PNPLA7: variants seen among roughly 807,000 people sequenced by gnomAD.
The protein encoded by PNPLA7 is patatin like domain 7, lysophospholipase, also known as patatin-like phospholipase domain-containing protein 7.
A neutral mutation model predicts 161.7 loss-of-function variants in PNPLA7; 153 were observed. The observed-to-expected ratio is 0.95, with a 90% CI of 0.83 to 1.08. PNPLA7 has a LOEUF of 1.08. Ranked by LOEUF, PNPLA7 falls within the 50% of genes least tolerant of loss-of-function variation. The probability of loss-of-function intolerance (pLI) is 0.00; values close to 1 mark genes in which losing one functional copy is unlikely to be tolerated. For missense variants in PNPLA7, 1,739 were observed against 1,856.6 expected (o/e 0.94, Z 1.16); for synonymous variants, 809 against 782.1 (o/e 1.03, Z -0.57).
At chr9:137,487,336 G>A (rs964829469) in intron 20 of PNPLA7, among the ~76,000 whole-genome samples, 3 of 152,242 alleles carry the variant, frequency 2.0e-5, no homozygotes, top group African/African-American at 4.8e-5. Flanking sequence ...CGGGATAAGC[G>A]CTTGGAGCTG....
intron 11 of PNPLA7, among the ~76,000 whole-genome samples, chr9:137,519,202 G>C (rs1301874350): frequency 6.6e-6 from 1 of 152,242 alleles, no homozygotes; most frequent in Non-Finnish European, 1.5e-5. Flanking sequence ...AACATGATGG[G>C]CTATAAATAA....
At chr9:137,503,868 G>T (rs1588625565) in intron 14 of PNPLA7, among the ~76,000 whole-genome samples, 4 of 80,360 alleles carry the variant, frequency 5.0e-5, no homozygotes, top group African/African-American at 1.4e-4. Context: ...GAAGGAGGAG[G>T]AAGGAAGAAG....
At chr9:137,478,257 C>A in intron 24 of PNPLA7, 105 bp from the exon 25 acceptor site, 1 of 860,748 alleles carries the variant, frequency 1.2e-6, no homozygotes, top group Non-Finnish European at 1.6e-6. Context: ...CTGACCCAAA[C>A]TGACCCCAAA....
At chr9:137,536,712 G>C (rs1343099397) in intron 8 of PNPLA7, among the ~76,000 whole-genome samples, 1 of 152,218 alleles carries the variant, frequency 6.6e-6, no homozygotes, top group Non-Finnish European at 1.5e-5. Flanking sequence ...GAGCGGTGCA[G>C]ATGGGAACGT....
At chr9:137,506,311 C>T (rs1833920364) in intron 12 of PNPLA7, among the ~76,000 whole-genome samples, 1 of 152,190 alleles carries the variant, frequency 6.6e-6, no homozygotes, top group Non-Finnish European at 1.5e-5. Context: ...CCACACGGTG[C>T]CTTCAACATT....
intron 1 of PNPLA7, among the ~76,000 whole-genome samples, chr9:137,548,447 G>A (rs1460343162): frequency 1.3e-5 from 2 of 152,160 alleles, no homozygotes; most frequent in Non-Finnish European, 2.9e-5. Flanking sequence ...ACTCCCATCC[G>A]TGCCAGAAAA....
Position 137,521,740 on chromosome 9 carries a change from G to A in PNPLA7, c.877-24C>T, listed in dbSNP as rs374062329. The stretch of plus-strand genomic sequence containing the variant: ...ATCTGCAAGAACACGCCAGCTGCGC[G>A]GTGACCACCGGCCTGGGGTACAGGG... On this transcript the variant is annotated intron_variant, in intron 9 of 34. Coordinates refer to ENST00000406427, the MANE Select transcript of PNPLA7 (RefSeq NM_001098537.3). 5.8e-4 allele frequency: 927 copies of A among 1,602,044 alleles called. 4 individuals are homozygous for A. The South Asian group carries it at 6.4e-3, about 11-fold the overall frequency.
Position 137,462,170 on chromosome 9 carries a change from G to T in PNPLA7, c.3645+9C>A. On this transcript the variant is annotated intron_variant, in intron 31 of 34. Transcript: ENST00000406427. ...CCCGCCTCCGCCGCCGCGGGTGGCCGGCACTCACGCAGATCTCGTTGAACT... is the reference window on the plus strand; with the variant it reads ...CCCGCCTCCGCCGCCGCGGGTGGCCTGCACTCACGCAGATCTCGTTGAACT... 1 of 1,557,480 alleles carries T rather than the reference G, an allele frequency of 6.4e-7. No homozygotes were observed. The highest frequency in any genetic ancestry group is 8.7e-7 in the Non-Finnish European group (1 of 1,148,012).
At position 137,467,220 on chromosome 9, in the gene PNPLA7, G is replaced by A; in HGVS notation, c.3039+97C>T. On this transcript the variant is annotated intron_variant, in intron 26 of 34. Coordinates refer to ENST00000406427, the MANE Select transcript of PNPLA7 (RefSeq NM_001098537.3). The surrounding 1 kb of genome is among the most constrained non-coding windows in gnomAD (Gnocchi z 5.1). ...GTAGCCTCCTCGAGGGCAGGGCCCT[G>A]CAGAGCCACATGCAGAGGCCAACGG... is the stretch of plus-strand genomic sequence containing the variant. 6.9e-7 allele frequency: 1 copy of A among 1,454,250 alleles called. No homozygotes were observed. The highest frequency in any genetic ancestry group is 1.4e-5 in the South Asian group (1 of 72,420). 90.1% of individuals were successfully genotyped at this position (1,454,250 alleles called of 1,614,324 possible). A position where few individuals can be genotyped will look rare whatever the true frequency, so the allele number is the denominator to read the frequency against.
rs977464060 is a variant in PNPLA7 at position 137,506,156 on chromosome 9, C to T, written c.1226-73G>A. 1.5e-4 allele frequency: 194 copies of T among 1,297,348 alleles called. No individual in the cohort carries two copies. In the East Asian group the frequency reaches 3.8e-3, roughly 25 times the overall value. The allele number at this position is 1,297,348 out of a possible 1,614,324, so 80.4% of individuals were successfully genotyped here. On this transcript the variant is annotated intron_variant, in intron 12 of 34. Coordinates refer to ENST00000406427, the MANE Select transcript of PNPLA7 (RefSeq NM_001098537.3). ...ACAAACGTCCGCGGTGTGGGCTGAG[C>T]ACACCCTGCAGTCTAACCACACAGA... is the stretch of plus-strand genomic sequence containing the variant.
At chr9:137,549,517 T>C (rs887780693) in intron 1 of PNPLA7, among the ~76,000 whole-genome samples, 1 of 142,610 alleles carries the variant, frequency 7.0e-6, no homozygotes, top group African/African-American at 2.7e-5. Context: ...TTGCAGTGAG[T>C]TGAGATCGTG....
At position 137,540,594 on chromosome 9, in the gene PNPLA7, C is replaced by T. The variant is rs781479028; in HGVS notation, c.747+48G>A. 49 of 1,533,894 alleles carry T rather than the reference C, an allele frequency of 3.2e-5. No individual in the cohort carries two copies. Among genetic ancestry groups the T allele is most frequent in the African/African-American group, 1.4e-4 (10 of 73,024 alleles). ...AGACAAGACAGAAAAACCAGGCCTC[C>T]GGGGCCAACCCAGGGGCGCCCGGAG... On this transcript the variant is annotated intron_variant, in intron 8 of 34. Coordinates refer to ENST00000406427, the MANE Select transcript of PNPLA7 (RefSeq NM_001098537.3). This position sits in a 1 kb window ranked among gnomAD's most constrained non-coding sequence, Gnocchi z 5.1.
At position 137,523,161 on chromosome 9, in the gene PNPLA7, G is replaced by A. The variant is rs1440175253; in HGVS notation, c.748-304C>T. 6.6e-6 allele frequency among the ~76,000 whole-genome samples: 1 copy of A among 152,188 alleles called. No individual in the cohort carries two copies. The highest frequency in any genetic ancestry group is 1.5e-5 in the Non-Finnish European group (1 of 68,032). On this transcript the variant is annotated intron_variant, in intron 8 of 34. Transcript: ENST00000406427. This position sits in a 1 kb window ranked among gnomAD's most constrained non-coding sequence, Gnocchi z 4.4. The stretch of plus-strand genomic sequence containing the variant: ...TGGGGAGTTCCAACCACTCCCACCT[G>A]CCACTGAGGCTCACGGACCAGCTCA...
chr9:137,517,037 CCT>C (rs763614949), intron 11 of PNPLA7, among the ~76,000 whole-genome samples: 67 of 132,908 alleles, frequency 5.0e-4, no homozygotes, highest in East Asian at 4.2e-3. Flanking sequence ...CACTCCATCC[CCT>C]GTCACTCACT....
Position 137,500,671 on chromosome 9 carries a change from TC to T in PNPLA7, c.1757+19del. The T allele has an allele frequency of 6.2e-7, 1 of 1,610,370 alleles. No individual in the cohort carries two copies. The highest frequency in any genetic ancestry group is 1.7e-5 in the Admixed American group (1 of 59,834). Reference sequence around the variant, plus strand: ...GGGGGGGCTGGGGCCCGCCCTGAGGTCCTGGCCCGTGGGACTCACTCATAGA... The same window carrying T: ...GGGGGGGCTGGGGCCCGCCCTGAGGTCTGGCCCGTGGGACTCACTCATAGA... On this transcript the variant is annotated intron_variant, in intron 16 of 34. Transcript: ENST00000406427. The surrounding 1 kb of genome is among the most constrained non-coding windows in gnomAD (Gnocchi z 5.5).
intron 12 of PNPLA7, among the ~76,000 whole-genome samples, chr9:137,513,501 GAAAT>G (rs1377064760): frequency 6.6e-6 from 1 of 151,210 alleles, no homozygotes; most frequent in Non-Finnish European, 1.5e-5. Context: ...TTAAAAAACA[GAAAT>G]AAATAAAATA....
At position 137,543,649 on chromosome 9, in the gene PNPLA7, G is replaced by C; in HGVS notation, c.365+75C>G. The C allele has an allele frequency of 1.2e-6, 2 of 1,610,026 alleles. No homozygotes were observed. The highest frequency in any genetic ancestry group is 1.7e-6 in the Non-Finnish European group (2 of 1,177,462). ...CACAGCATCAGTGGCTGACACACCA[G>C]GCAGCTCAGGGTTGGGGAGGCCAGC... On this transcript the variant is annotated intron_variant, in intron 5 of 34. Transcript: ENST00000406427. The surrounding 1 kb of genome is among the most constrained non-coding windows in gnomAD (Gnocchi z 6.9).
chr9:137,465,525 C>T (rs916823873), intron 26 of PNPLA7, among the ~76,000 whole-genome samples: 5 of 152,206 alleles, frequency 3.3e-5, no homozygotes, highest in South Asian at 4.1e-4. Context: ...GTCCCGAGGA[C>T]GCTGTCCCTG....
intron 15 of PNPLA7, 63 bp downstream of exon 15, chr9:137,501,587 T>C: frequency 1.3e-6 from 2 of 1,501,900 alleles, no homozygotes; most frequent in Admixed American, 3.7e-5. Flanking sequence ...CCTCTGGTGC[T>C]CCACTTGGCA....
Sources: gnomAD v4.1 joint callset for allele counts (sites outside exome capture counted in the v4.1 genomes callset) on GRCh38, gnomAD v4.1.1 for gene constraint, Gnocchi (gnomAD v3.1) non-coding constraint, MANE v1.5 for transcripts, NCBI Gene and HGNC (gene_info 2026-07-23, HGNC 2026-07-21) for gene names.